The following SAMMSON variants were observed in gnomAD, a reference collection of about 807,000 sequenced individuals.
SAMMSON encodes survival associated mitochondrial melanoma specific oncogenic non-coding RNA.
intron 4 of SAMMSON, among the ~76,000 whole-genome samples, chr3:70,181,784 G>A (rs1457121503): frequency 1.3e-5 from 2 of 152,094 alleles, no homozygotes; most frequent in Admixed American, 6.5e-5. Flanking sequence ...ACTTTCATGC[G>A]AAAACATTTT....
intron 9 of SAMMSON, among the ~76,000 whole-genome samples, chr3:70,380,158 G>A (rs1242731103): frequency 1.3e-5 from 2 of 152,092 alleles, no homozygotes; most frequent in African/African-American, 4.8e-5. Context: ...TGTTTTCACT[G>A]CATAACCTTA....
chr3:70,286,895 G>A (rs1702170849), intron 6 of SAMMSON, among the ~76,000 whole-genome samples: 1 of 151,832 alleles, frequency 6.6e-6, no homozygotes, highest in Non-Finnish European at 1.5e-5. Flanking sequence ...TGTGATTTTT[G>A]TACATTGATT....
chr3:70,367,961 G>GT (rs547673470), intron 9 of SAMMSON, among the ~76,000 whole-genome samples: 99 of 143,832 alleles, frequency 6.9e-4, no homozygotes, highest in East Asian at 1.2e-3. Flanking sequence ...TTAAAATTGG[G>GT]TTTTTTTTTT....
intron 2 of SAMMSON, among the ~76,000 whole-genome samples, chr3:70,409,847 G>A (rs1701204292): frequency 6.6e-6 from 1 of 151,930 alleles, no homozygotes; most frequent in South Asian, 2.1e-4. Context: ...CTTTTAGATC[G>A]AAGGGGTACA....
At chr3:70,267,584 T>TTG (rs1468961193) in intron 6 of SAMMSON, among the ~76,000 whole-genome samples, 1 of 146,432 alleles carries the variant, frequency 6.8e-6, no homozygotes, top group Non-Finnish European at 1.5e-5. Flanking sequence ...TTGTATTTTT[T>TTG]TTTTTTTTTT....
intron 9 of SAMMSON, among the ~76,000 whole-genome samples, chr3:70,361,598 T>C (rs1488597263): frequency 2.0e-5 from 3 of 152,174 alleles, no homozygotes; most frequent in Admixed American, 2.0e-4. Context: ...TAGACACTTT[T>C]CCCTTTCTTG....
intron 4 of SAMMSON, chr3:70,071,926 T>C (rs1446516243): frequency 2.0e-5 from 3 of 152,006 alleles, no homozygotes; most frequent in African/African-American, 7.2e-5. Flanking sequence ...GCTTTTTTTT[T>C]CCTTCTTCAG....
rs978347987 is a variant in SAMMSON, at chr3:70,003,659, A to G, written n.22+3792A>G. Among the ~76,000 whole-genome samples, 5 of 152,072 alleles carry G rather than the reference A, an allele frequency of 3.3e-5. No individual in the cohort carries two copies. In the East Asian group the frequency reaches 9.6e-4, roughly 29 times the overall value. ...TATATATTACAAAAGCCAGTAAGACATTAGTATTATTGTTTTGTACATTCA... is the reference window on the plus strand; with the variant it reads ...TATATATTACAAAAGCCAGTAAGACGTTAGTATTATTGTTTTGTACATTCA... On this transcript the variant is annotated intron_variant and non_coding_transcript_variant, in intron 1 of 9. Transcript: ENST00000642114.
chr3:70,431,681 C>G (rs762168420), intron 2 of SAMMSON, among the ~76,000 whole-genome samples: 4 of 151,968 alleles, frequency 2.6e-5, no homozygotes, highest in Non-Finnish European at 4.4e-5. Context: ...ATTGTATAAG[C>G]TCATATAATG....
At chr3:70,075,376 A>T (rs1207323763) in intron 4 of SAMMSON, 1 of 152,130 alleles carries the variant, frequency 6.6e-6, no homozygotes, top group Admixed American at 6.6e-5. Flanking sequence ...ATAAAACAAA[A>T]TCTCTCAAAT....
chr3:70,021,821 G>T (rs944608607), intron 3 of SAMMSON, among the ~76,000 whole-genome samples: 6 of 152,056 alleles, frequency 3.9e-5, no homozygotes, highest in Admixed American at 6.6e-5. Flanking sequence ...CAAAAATCTT[G>T]ACTTAAAAAA....
intron 4 of SAMMSON, among the ~76,000 whole-genome samples, chr3:70,086,160 T>G (rs1362577970): frequency 6.6e-6 from 1 of 152,184 alleles, no homozygotes; most frequent in Non-Finnish European, 1.5e-5. Context: ...GAAGCAAGTT[T>G]TATCTTTGGT....
intron 4 of SAMMSON, among the ~76,000 whole-genome samples, chr3:70,200,453 A>G (rs535153743): frequency 6.6e-6 from 1 of 152,292 alleles, no homozygotes; most frequent in East Asian, 1.9e-4. Flanking sequence ...TGGAATGCAC[A>G]TGGCTCAGGG....
intron 9 of SAMMSON, among the ~76,000 whole-genome samples, chr3:70,377,233 A>G (rs1468191249): frequency 1.3e-5 from 2 of 152,150 alleles, no homozygotes; most frequent in African/African-American, 2.4e-5. Flanking sequence ...CATGGGAGAT[A>G]GTTAATTTCT....
chr3:70,275,756 T>C (rs1702018972), intron 6 of SAMMSON, among the ~76,000 whole-genome samples: 1 of 152,200 alleles, frequency 6.6e-6, no homozygotes, highest in South Asian at 2.1e-4. Flanking sequence ...AGTTATGAAG[T>C]ACTTTCAGAA....
At chr3:70,037,489 C>T (rs540401700) in intron 3 of SAMMSON, among the ~76,000 whole-genome samples, 2 of 152,266 alleles carry the variant, frequency 1.3e-5, no homozygotes, top group Admixed American at 6.5e-5. Context: ...ATGAGCCCAA[C>T]AGTCTGAGGG....
intron 7 of SAMMSON, among the ~76,000 whole-genome samples, chr3:70,305,931 C>G (rs979507013): frequency 2.0e-5 from 3 of 152,004 alleles, no homozygotes; most frequent in African/African-American, 7.2e-5. Context: ...TTTTGGACCT[C>G]TAGGCTCTTT....
intron 3 of SAMMSON, among the ~76,000 whole-genome samples, chr3:70,019,213 G>A (rs1316648608): frequency 6.6e-6 from 1 of 152,192 alleles, no homozygotes; most frequent in Non-Finnish European, 1.5e-5. Flanking sequence ...TTGTGTGGGA[G>A]TCTAAGTCTG....
chr3:70,028,178 CCTTCCTTCCTTT>C (rs1183633462), intron 3 of SAMMSON, among the ~76,000 whole-genome samples: 90 of 70,026 alleles, frequency 1.3e-3, no homozygotes, highest in South Asian at 3.2e-3. Context: ...TTCCTTCCTT[CCTTCCTTCCTTT>C]CTTTCTTTCT....
Sources: allele counts gnomAD v4.1 joint callset (sites outside exome capture counted in the v4.1 genomes callset), GRCh38; gene constraint gnomAD v4.1.1; transcripts MANE v1.5; gene names NCBI Gene and HGNC (gene_info 2026-07-23, HGNC 2026-07-21).